The following MALRD1 variants were observed in gnomAD, a reference collection of about 807,000 sequenced individuals.
MALRD1 encodes MAM and LDL-receptor class A domain-containing protein 1.
A neutral mutation model predicts 242.1 loss-of-function variants in MALRD1; 247 were observed. The observed-to-expected ratio is 1.02, with a 90% CI of 0.92 to 1.13. The LOEUF is 1.13. Among genes scored for constraint, MALRD1 ranks in the 50% most tolerant of loss-of-function variants. MALRD1 has a pLI of 0.00. For missense variants in MALRD1, 2,989 were observed against 2,533.1 expected (o/e 1.18, Z -3.86); for synonymous variants, 995 against 866.6 (o/e 1.15, Z -2.60).
At chr10:19,183,793 T>C (rs7898998) in intron 14 of MALRD1, among the ~76,000 whole-genome samples, 45,875 of 152,022 alleles carry the variant, frequency 0.3, 7,256 homozygotes, top group Admixed American at 0.37. Flanking sequence ...GTTAGGAAGT[T>C]TTGCAGAATT....
At chr10:19,614,868 G>C (rs983897503) in intron 35 of MALRD1, among the ~76,000 whole-genome samples, 1 of 151,996 alleles carries the variant, frequency 6.6e-6, no homozygotes, top group Non-Finnish European at 1.5e-5. Context: ...ATCAAAAAAG[G>C]CTTTTGCCTG....
intron 4 of MALRD1, among the ~76,000 whole-genome samples, chr10:19,101,799 A>G (rs1488201138): frequency 5.1e-5 from 7 of 136,168 alleles, no homozygotes; most frequent in Non-Finnish European, 1.1e-4. Flanking sequence ...ACTGGGATAC[A>G]TATAGAATAA....
At chr10:19,452,334 C>T (rs531961637) in intron 29 of MALRD1, among the ~76,000 whole-genome samples, 8 of 152,100 alleles carry the variant, frequency 5.3e-5, no homozygotes, top group Non-Finnish European at 8.8e-5. Context: ...TGAGAGTTTA[C>T]GTGATTACAA....
At chr10:19,458,460 G>T (rs1290310697) in intron 29 of MALRD1, among the ~76,000 whole-genome samples, 10 of 152,132 alleles carry the variant, frequency 6.6e-5, no homozygotes, top group Non-Finnish European at 5.9e-5. Flanking sequence ...AAAGGTAACT[G>T]GTTTTTATTG....
intron 28 of MALRD1, among the ~76,000 whole-genome samples, chr10:19,434,316 G>A (rs1005724544): frequency 6.6e-6 from 1 of 151,958 alleles, no homozygotes; most frequent in Non-Finnish European, 1.5e-5. Context: ...TTCTCTCAGG[G>A]AAGAAAATTT....
intron 14 of MALRD1, among the ~76,000 whole-genome samples, chr10:19,178,468 C>T (rs1322178523): frequency 6.6e-6 from 1 of 152,122 alleles, no homozygotes; most frequent in Non-Finnish European, 1.5e-5. Flanking sequence ...TTTACCCAGA[C>T]TACCCAGACC....
At chr10:19,407,380 G>A (rs765482023) in intron 28 of MALRD1, among the ~76,000 whole-genome samples, 4 of 152,192 alleles carry the variant, frequency 2.6e-5, no homozygotes, top group Admixed American at 6.5e-5. Flanking sequence ...AACTCAGGAC[G>A]CTGAGGTGGG....
intron 18 of MALRD1, among the ~76,000 whole-genome samples, chr10:19,237,513 CATATATATAT>C (rs34727263): frequency 1.2e-4 from 14 of 113,710 alleles, no homozygotes; most frequent in African/African-American, 4.8e-4. Flanking sequence ...TGTGTGTGTC[CATATATATAT>C]ATATATATAT....
At chr10:19,140,734 A>T (rs1404282617) in intron 10 of MALRD1, among the ~76,000 whole-genome samples, 1 of 152,134 alleles carries the variant, frequency 6.6e-6, no homozygotes, top group Non-Finnish European at 1.5e-5. Context: ...ATGGAATCTA[A>T]AAAAGTTGAA....
At chr10:19,393,591 G>A (rs892586200) in intron 28 of MALRD1, among the ~76,000 whole-genome samples, 17 of 150,232 alleles carry the variant, frequency 1.1e-4, no homozygotes, top group Middle Eastern at 3.5e-3. Flanking sequence ...GACTACAGGC[G>A]CCGGCCACCA....
chr10:19,337,024 A>G (rs1375568755), intron 24 of MALRD1, among the ~76,000 whole-genome samples: 1 of 152,134 alleles, frequency 6.6e-6, no homozygotes, highest in Non-Finnish European at 1.5e-5. Flanking sequence ...TGTTAAACAG[A>G]AAATATATAT....
rs1275632037 is a variant in MALRD1, at chr10:19,328,880, T to A, written c.3687+1207T>A. Among the ~76,000 whole-genome samples the A allele has an allele frequency of 2.0e-5, 3 of 152,274 alleles. No homozygotes were observed. In the East Asian group the frequency reaches 5.8e-4, roughly 29 times the overall value. ...CCCAACTGTTCAGCCTCTCAGGTCT[T>A]TAAACTGAGGCGAGAAGAAATCTCA... On this transcript the variant is annotated intron_variant, in intron 23 of 39. Coordinates refer to ENST00000454679, the MANE Select transcript of MALRD1 (RefSeq NM_001142308.3).
chr10:19,258,264 C>T (rs185879798), intron 19 of MALRD1, among the ~76,000 whole-genome samples: 39 of 152,238 alleles, frequency 2.6e-4, no homozygotes, highest in African/African-American at 8.7e-4. Context: ...TTTCCCCTAA[C>T]TCCAGACTCA....
chr10:19,216,871 G>A (rs999798502), intron 18 of MALRD1, among the ~76,000 whole-genome samples: 17 of 151,782 alleles, frequency 1.1e-4, no homozygotes, highest in South Asian at 4.2e-4. Context: ...GTGTGAACCC[G>A]GGAGGCAGAG....
intron 34 of MALRD1, among the ~76,000 whole-genome samples, chr10:19,597,012 A>G (rs1838132224): frequency 6.6e-6 from 1 of 152,060 alleles, no homozygotes; most frequent in African/African-American, 2.4e-5. Flanking sequence ...GAAAAGAGAG[A>G]TGACCTTGGG....
At chr10:19,353,107 A>G (rs1435011759) in intron 26 of MALRD1, among the ~76,000 whole-genome samples, 1 of 151,956 alleles carries the variant, frequency 6.6e-6, no homozygotes, top group East Asian at 1.9e-4. Flanking sequence ...CCTGGGCTCA[A>G]TTGATCCTCC....
At chr10:19,560,819 G>T (rs1188183136) in intron 32 of MALRD1, among the ~76,000 whole-genome samples, 1 of 152,086 alleles carries the variant, frequency 6.6e-6, no homozygotes, top group African/African-American at 2.4e-5. Context: ...TTGGGGTGGG[G>T]GATAGGGGAG....
intron 11 of MALRD1, among the ~76,000 whole-genome samples, chr10:19,154,458 T>G (rs1447490829): frequency 6.6e-6 from 1 of 152,146 alleles, no homozygotes; most frequent in Non-Finnish European, 1.5e-5. Context: ...GTCTTCAATA[T>G]TCAGTGAAAC....
At chr10:19,233,660 G>A (rs1838178417) in intron 18 of MALRD1, among the ~76,000 whole-genome samples, 1 of 151,714 alleles carries the variant, frequency 6.6e-6, no homozygotes, top group Non-Finnish European at 1.5e-5. Flanking sequence ...TTTCTAGCAT[G>A]TGTTAAGGTG....
Sources: gnomAD v4.1 joint callset for allele counts (sites outside exome capture counted in the v4.1 genomes callset) on GRCh38, gnomAD v4.1.1 for gene constraint, MANE v1.5 for transcripts, NCBI Gene and HGNC (gene_info 2026-07-23, HGNC 2026-07-21) for gene names.